MST1R: variants seen among roughly 807,000 people sequenced by gnomAD.
MST1R encodes macrophage-stimulating protein receptor.
In MST1R, 99 loss-of-function variants were observed where a neutral mutation model predicts 117.8. The observed-to-expected ratio is 0.84, with a 90% CI of 0.71 to 0.99. MST1R has a LOEUF of 0.99. MST1R is among the 50% of genes least tolerant of loss of function. MST1R has a pLI of 0.00. For missense variants in MST1R, 1,683 were observed against 1,840.2 expected, an observed-to-expected ratio of 0.91 and a Z score of 1.56; for synonymous variants, 734 against 765.3, an observed-to-expected ratio of 0.96 and a Z score of 0.68.
In MST1R at chr3:49,903,299, C is replaced by A; in HGVS notation, c.311G>T (p.Cys104Phe). Residue 104 changes from cysteine to phenylalanine, a missense_variant, in exon 1 of 20, where the codon TGT (cysteine) becomes TTT (phenylalanine). Physicochemically the swap from Cys to Phe is radical, Grantham distance 205 (BLOSUM62 -2). Transcript: ENST00000296474. ...GTGGGGTCCTGGGCCACAGGCTGCA[C>A]ACGTCTGGCAGCCAGGGTCTCCAGC... Reference protein sequence around the residue: ...GPAGDPGCQTCAACGPGPHGP... With the variant: ...GPAGDPGCQTFAACGPGPHGP... The A allele has an allele frequency of 6.2e-7, 1 of 1,612,332 alleles. No individual in the cohort carries two copies. Among genetic ancestry groups the A allele is most frequent in the East Asian group, 2.2e-5 (1 of 44,880 alleles).
Position 49,902,956 on chromosome 3 carries a change from G to T in MST1R, c.654C>A (p.Ile218=). Residue 218 remains isoleucine (I), a synonymous_variant, in exon 1 of 20, where the codon ATC becomes ATA. Transcript: ENST00000296474. ...CCGAGGCGTCAGCCTTGAGACGCCT[G>T]ATAGACACTGAGCGTGGGCTGAAGC... ...AASFSPRSVS[I]RRLKADASGF... is the part of the protein sequence containing the mutation. The T allele has an allele frequency of 6.2e-7, 1 of 1,613,210 alleles. No individual in the cohort carries two copies. Among genetic ancestry groups the T allele is most frequent in the Non-Finnish European group, 8.5e-7 (1 of 1,179,978 alleles).
Position 49,887,569 on chromosome 3 carries a change from G to C in MST1R, c.3948-7C>G. 1 of 1,613,064 alleles carries C rather than the reference G, an allele frequency of 6.2e-7. No homozygotes were observed. The highest frequency in any genetic ancestry group is 8.5e-7 in the Non-Finnish European group (1 of 1,179,392). On this transcript the variant is annotated splice_polypyrimidine_tract_variant and splice_region_variant and intron_variant, in intron 19 of 19. Transcript: ENST00000296474. Reference sequence around the variant, plus strand: ...TTGCTGCATCACTTGGTACCTGTTGGGGGAAAGGGATGTCAGGTTAAGGCA... The same window carrying C: ...TTGCTGCATCACTTGGTACCTGTTGCGGGAAAGGGATGTCAGGTTAAGGCA...
At position 49,897,667 on chromosome 3, in the gene MST1R, G is replaced by T. The variant is rs771282154; in HGVS notation, c.1899C>A (p.Asp633Glu). Residue 633 changes from aspartate (D) to glutamate (E), a missense_variant, in exon 6 of 20, where the codon GAC becomes GAA. By Grantham distance (45) the Asp-to-Glu change is conservative (BLOSUM62 2). Transcript: ENST00000296474. ...GTTCACACTCAAACTCCTCTACAAA[G>T]TCTTTCCGGGGCACTGGTCTGGGGC... Reference protein sequence around the residue: ...SSKLRPVPRKDFVEEFECELE... With the variant: ...SSKLRPVPRKEFVEEFECELE... The T allele has an allele frequency of 6.2e-7, 1 of 1,613,236 alleles. No individual in the cohort carries two copies. The highest frequency in any genetic ancestry group is 1.1e-5 in the South Asian group (1 of 90,990).
chr3:49,899,869 G>A (rs984320163), intron 1 of MST1R, among the ~76,000 whole-genome samples: 3 of 151,578 alleles, frequency 2.0e-5, no homozygotes, highest in Non-Finnish European at 4.4e-5. Flanking sequence ...ACGGTGCCTG[G>A]CCCACCCCGT....
chr3:49,890,401 T>G (rs1444973232), intron 18 of MST1R, 84 bp downstream of exon 18: 4 of 1,457,214 alleles, frequency 2.7e-6, no homozygotes, highest in Non-Finnish European at 3.7e-6. Context: ...CTCCCTGGGC[T>G]CAGATCATTC....
Position 49,902,936 on chromosome 3 carries a change from G to T in MST1R, c.674C>A (p.Ala225Asp), listed in dbSNP as rs1312420806. The T allele has an allele frequency of 1.2e-6, 2 of 1,613,344 alleles. No individual in the cohort carries two copies. Among genetic ancestry groups the T allele is most frequent in the Non-Finnish European group, 1.7e-6 (2 of 1,179,992 alleles). The change falls in exon 1 of 20, where the codon GCC (alanine) becomes GAC (aspartate). Residue 225 changes from alanine (A) to aspartate (D), a missense_variant. Ala to Asp is a moderately radical substitution (Grantham distance 126). Coordinates refer to ENST00000296474, the MANE Select transcript of MST1R (RefSeq NM_002447.4). ...SVSIRRLKAD[A>D]SGFAPGFVAL... is the part of the protein sequence containing the mutation. ...CACAAAGCCCGGTGCGAATCCCGAG[G>T]CGTCAGCCTTGAGACGCCTGATAGA...
Position 49,896,856 on chromosome 3 carries a change from G to A in MST1R, c.2218C>T (p.Pro740Ser), listed in dbSNP as rs1328120561. Residue 740 changes from proline to serine, a missense_variant, in exon 8 of 20, where the codon CCT (proline) becomes TCT (serine). Transcript: ENST00000296474. Reference sequence around the variant, plus strand: ...GGGACACTGGCCACCGTGGCCCCAGGGGGTGTGGCACATAAAAGCTGCCCC... The same window carrying A: ...GGGACACTGGCCACCGTGGCCCCAGAGGGTGTGGCACATAAAAGCTGCCCC... ...SEGQLLCATP[P>S]GATVASVPLS... is the part of the protein sequence containing the mutation. 6.5e-7 allele frequency: 1 copy of A among 1,544,868 alleles called. No individual in the cohort carries two copies.
rs751488352 is a variant in MST1R, at chr3:49,895,326, C to A, written c.3112G>T (p.Ala1038Ser). Residue 1038 changes from alanine to serine, a missense_variant, in exon 14 of 20, where the codon GCA becomes TCA. Transcript: ENST00000296474. ...GLDSTTCVHG[A>S]SFSDSEDESC... ...TCATCTTCACTATCGGAGAAGGATG[C>A]TCCATGGACACAAGTGGTGGAATCC... 2 of 1,614,234 alleles carry A rather than the reference C, an allele frequency of 1.2e-6. No homozygotes were observed. Among genetic ancestry groups the A allele is most frequent in the South Asian group, 2.2e-5 (2 of 91,090 alleles).
rs2108444737 is a variant in MST1R at position 49,896,335 on chromosome 3, A to C, written c.2509T>G (p.Trp837Gly). The C allele has an allele frequency of 6.2e-7, 1 of 1,614,100 alleles. No homozygotes were observed. Among genetic ancestry groups the C allele is most frequent in the Non-Finnish European group, 8.5e-7 (1 of 1,180,010 alleles). ...CGGGCACTCAGATTCCCTGCCACCC[A>C]TCCCTGGGGGTCTCGGACCACATAT... ...PEYVVRDPQG[W>G]VAGNLSARGD... Residue 837 changes from tryptophan (W) to glycine (G), a missense_variant, in exon 10 of 20, where the codon TGG becomes GGG. By Grantham distance (184) the Trp-to-Gly change is radical. Coordinates refer to ENST00000296474, the MANE Select transcript of MST1R (RefSeq NM_002447.4).
In MST1R at chr3:49,896,429, T is replaced by C. The variant is rs756782918; in HGVS notation, c.2440-25A>G. On this transcript the variant is annotated intron_variant, in intron 9 of 19. Coordinates refer to ENST00000296474, the MANE Select transcript of MST1R (RefSeq NM_002447.4). ...ACTGCTGGGACCAATATGAGAGTGA[T>C]TAGCCAGGAACCCCACCTGTGATTG... is the stretch of plus-strand genomic sequence containing the variant. 5 of 1,607,248 alleles carry C rather than the reference T, an allele frequency of 3.1e-6. No individual in the cohort carries two copies. In the East Asian group the frequency reaches 1.1e-4, roughly 36 times the overall value.
rs1334727093 is a variant in MST1R at position 49,902,670 on chromosome 3, C to A, written c.940G>T (p.Gly314Cys). The A allele has an allele frequency of 6.2e-7, 1 of 1,613,406 alleles. No individual in the cohort carries two copies. The highest frequency in any genetic ancestry group is 2.2e-5 in the East Asian group (1 of 44,882). ...CGCAGCACAGGGTAGGGCTGTCCGC[C>A]TTCTGGGGCCCCCCGGCGCCTGCGT... ...PKRRRRGAPEGGQPYPVLRVA... is the reference protein window; with the variant it reads ...PKRRRRGAPECGQPYPVLRVA... Residue 314 changes from glycine (G) to cysteine (C), a missense_variant, in exon 1 of 20, where the codon GGC becomes TGC. Coordinates refer to ENST00000296474, the MANE Select transcript of MST1R (RefSeq NM_002447.4).
Position 49,898,879 on chromosome 3 carries a change from G to C in MST1R, c.1536C>G (p.Ala512=). The change falls in exon 3 of 20, where the codon GCC becomes GCG. Residue 512 remains alanine (A), a synonymous_variant. Coordinates refer to ENST00000296474, the MANE Select transcript of MST1R (RefSeq NM_002447.4). ...CTGCCCACCTCACCTGGTCCCCAGA[G>C]GCAAAGAGTAGGTGGTCCCCAAGAC... The part of the protein sequence containing the change: ...VSRLGDHLLF[A]SGDQVFQVPI... 6.2e-7 allele frequency: 1 copy of C among 1,614,130 alleles called. No individual in the cohort carries two copies. Among genetic ancestry groups the C allele is most frequent in the South Asian group, 1.1e-5 (1 of 91,078 alleles).
intron 1 of MST1R, among the ~76,000 whole-genome samples, chr3:49,900,115 T>A (rs1470723533): frequency 6.6e-6 from 1 of 152,140 alleles, no homozygotes; most frequent in Non-Finnish European, 1.5e-5. Flanking sequence ...CAGCACAAGG[T>A]TGGGGACATG....
rs2082470507 is a variant in MST1R, at chr3:49,896,324, C to T, written c.2520G>A (p.Gly840=). Residue 840 remains glycine, a synonymous_variant, in exon 10 of 20, where the codon GGG becomes GGA. Transcript: ENST00000296474. The part of the protein sequence containing the change: ...VVRDPQGWVA[G]NLSARGDGAA... ...CTCCATCCCCTCGGGCACTCAGATT[C>T]CCTGCCACCCATCCCTGGGGGTCTC... The T allele has an allele frequency of 6.2e-7, 1 of 1,613,994 alleles. No homozygotes were observed. Among genetic ancestry groups the T allele is most frequent in the African/African-American group, 1.3e-5 (1 of 74,918 alleles).
chr3:49,887,412 G>A lies in MST1R; in HGVS notation c.4098C>T (p.Ser1366=), dbSNP rs375009517. The part of the protein sequence containing the change: ...LPATYMNLGP[S]TSHEMNVRPE... ...GACGCACATTCATCTCATGCGAGGT[G>A]CTGGGGCCCAAGTTCATGTAGGTTG... Residue 1366 remains serine, a synonymous_variant, in exon 20 of 20, where the codon AGC becomes AGT. Coordinates refer to ENST00000296474, the MANE Select transcript of MST1R (RefSeq NM_002447.4). 1.9e-5 allele frequency: 30 copies of A among 1,614,128 alleles called. No individual in the cohort carries two copies. Among genetic ancestry groups the A allele is most frequent in the African/African-American group, 2.7e-5 (2 of 74,952 alleles).
At position 49,897,545 on chromosome 3, in the gene MST1R, G is replaced by A; in HGVS notation, c.2021C>T (p.Ser674Phe). 6.2e-7 allele frequency: 1 copy of A among 1,614,014 alleles called. No homozygotes were observed. The highest frequency in any genetic ancestry group is 1.1e-5 in the South Asian group (1 of 91,082). ...PGKHFRVDGT[S>F]VLRGFSFMEP... The stretch of plus-strand genomic sequence containing the variant: ...CATGAAAGAGAAGCCTCTCAGCACG[G>A]AGGTGCCGTCTACCCGGAAGTGCTT... The change falls in exon 6 of 20, where the codon TCC becomes TTC. Residue 674 changes from serine to phenylalanine, a missense_variant. Coordinates refer to ENST00000296474, the MANE Select transcript of MST1R (RefSeq NM_002447.4).
chr3:49,893,940 G>C (rs1361517402), intron 14 of MST1R, among the ~76,000 whole-genome samples: 1 of 150,430 alleles, frequency 6.6e-6, no homozygotes, highest in Non-Finnish European at 1.5e-5. Context: ...TAGGCTGGGG[G>C]CAGTGGCTCA....
chr3:49,902,684 C>G lies in MST1R; in HGVS notation c.926G>C (p.Arg309Pro), dbSNP rs150736542. 104 of 1,613,282 alleles carry G rather than the reference C, an allele frequency of 6.4e-5. No homozygotes were observed. In the African/African-American group the frequency reaches 1.3e-3, roughly 21 times the overall value. Residue 309 changes from arginine (R) to proline (P), a missense_variant, in exon 1 of 20, where the codon CGG (arginine) becomes CCG (proline). Transcript: ENST00000296474. ...GGGCTGTCCGCCTTCTGGGGCCCCCCGGCGCCTGCGTTTTGGAGCAAATCT... is the reference window on the plus strand; with the variant it reads ...GGGCTGTCCGCCTTCTGGGGCCCCCGGGCGCCTGCGTTTTGGAGCAAATCT... ...DCRFAPKRRR[R>P]GAPEGGQPYP...
At position 49,897,591 on chromosome 3, in the gene MST1R, C is replaced by T. The variant is rs764130453; in HGVS notation, c.1975G>A (p.Val659Met). 3.1e-6 allele frequency: 5 copies of T among 1,614,152 alleles called. No homozygotes were observed. The highest frequency in any genetic ancestry group is 1.3e-5 in the African/African-American group (1 of 75,074). Residue 659 changes from valine (V) to methionine (M), a missense_variant, in exon 6 of 20, where the codon GTG becomes ATG. By Grantham distance (21) the Val-to-Met change is conservative. Transcript: ENST00000296474. ...TGCTTGCCCGGTGGCATGTTAGTCA[C>T]GGTGAGGCTGACGTTGGTAGGCCCC... ...AVGPTNVSLT[V>M]TNMPPGKHFR...
Sources: allele counts gnomAD v4.1 joint callset (sites outside exome capture counted in the v4.1 genomes callset), GRCh38; gene constraint gnomAD v4.1.1; transcripts MANE v1.5; gene names NCBI Gene and HGNC (gene_info 2026-07-23, HGNC 2026-07-21).